AIFM2: variants seen among roughly 807,000 people sequenced by gnomAD.
The protein encoded by AIFM2 is AIF family member 2, ferroptosis suppressor.
In AIFM2, 38 loss-of-function variants were observed where a neutral mutation model predicts 35.7. The ratio of observed to expected loss-of-function variants is 1.06; its 90% CI spans 0.82 to 1.39. The LOEUF (loss-of-function observed/expected upper bound fraction) is 1.39, where lower values mean the gene tolerates loss of function less well. AIFM2 is among the 40% of genes most tolerant of loss of function. AIFM2 has a pLI of 0.00. For synonymous variants in AIFM2, 185 were observed against 203.5 expected (o/e 0.91, Z 0.77); for missense variants, 476 against 491.2 (o/e 0.97, Z 0.29).
intron 1 of AIFM2, among the ~76,000 whole-genome samples, chr10:70,124,365 A>T (rs78884399): frequency 0.029 from 4,353 of 152,338 alleles, 98 homozygotes; most frequent in East Asian, 0.14. Flanking sequence ...TTCCAGAGAT[A>T]GTTTATGCAA....
intron 3 of AIFM2, among the ~76,000 whole-genome samples, chr10:70,122,782 A>AG (rs1271960634): frequency 6.6e-6 from 1 of 152,200 alleles, no homozygotes; most frequent in Non-Finnish European, 1.5e-5. Context: ...TGGGATCTTA[A>AG]GCAAGCCATT....
intron 1 of AIFM2, among the ~76,000 whole-genome samples, chr10:70,127,772 G>A (rs1314466658): frequency 1.3e-5 from 2 of 152,196 alleles, no homozygotes; most frequent in African/African-American, 4.8e-5. Flanking sequence ...TTGCTTATCT[G>A]GGGTTCCCTG....
In AIFM2 at chr10:70,120,613, C is replaced by A; in HGVS notation, c.415-14G>T. The A allele has an allele frequency of 6.2e-7, 1 of 1,613,810 alleles. No homozygotes were observed. The highest frequency in any genetic ancestry group is 8.5e-7 in the Non-Finnish European group (1 of 1,179,862). On this transcript the variant is annotated splice_polypyrimidine_tract_variant and intron_variant, in intron 4 of 8. Transcript: ENST00000307864. ...TGAGCGCTGGACCTGGAGAAGAGGA[C>A]ATGTGAAACAGGGACATATGAAACA...
At position 70,131,852 on chromosome 10, in the gene AIFM2, G is replaced by A. The variant is rs930376661; in HGVS notation, c.-14+882C>T. ...GGGCAGGTGTGATCTGAGATCCCGG[G>A]GCTCTCTGGCAGGTGCATGCACGCA... On this transcript the variant is annotated intron_variant, in intron 1 of 8. Coordinates refer to ENST00000307864, the MANE Select transcript of AIFM2 (RefSeq NM_032797.6). This position sits in a 1 kb window ranked among gnomAD's most constrained non-coding sequence, Gnocchi z 4.1. 6.6e-6 allele frequency among the ~76,000 whole-genome samples: 1 copy of A among 152,164 alleles called. No homozygotes were observed. The highest frequency in any genetic ancestry group is 1.5e-5 in the Non-Finnish European group (1 of 68,036).
intron 1 of AIFM2, among the ~76,000 whole-genome samples, chr10:70,132,372 G>C (rs951074971): frequency 6.6e-6 from 1 of 152,204 alleles, no homozygotes; most frequent in Non-Finnish European, 1.5e-5. Context: ...ACCCTCGGAC[G>C]GTCCTCGCAA....
At chr10:70,122,298 G>C (rs2072518459) in intron 3 of AIFM2, among the ~76,000 whole-genome samples, 1 of 152,164 alleles carries the variant, frequency 6.6e-6, no homozygotes, top group South Asian at 2.1e-4. Context: ...TGAAACGCAT[G>C]GCTGGAGACT....
rs2072401812 is a variant in AIFM2, at chr10:70,113,678, G to A, written c.*500C>T. 1 of 153,134 alleles carries A rather than the reference G, an allele frequency of 6.5e-6. No individual in the cohort carries two copies. The highest frequency in any genetic ancestry group is 2.1e-4 in the South Asian group (1 of 4,864). 9.5% of individuals were successfully genotyped at this position (153,134 alleles called of 1,614,324 possible). On this transcript the variant is annotated 3_prime_UTR_variant, in exon 9 of 9. Coordinates refer to ENST00000307864, the MANE Select transcript of AIFM2 (RefSeq NM_032797.6). ...GAATGTATGGGCTCCCCGACCGTGT[G>A]ATGGCAGAGATTTGGGGTGCTGGGC...
chr10:70,114,306 T>A lies in AIFM2; in HGVS notation c.994A>T (p.Met332Leu), dbSNP rs766381889. 6.2e-7 allele frequency: 1 copy of A among 1,613,848 alleles called. No individual in the cohort carries two copies. Among genetic ancestry groups the A allele is most frequent in the Non-Finnish European group, 8.5e-7 (1 of 1,179,964 alleles). ...KPGALTFLLS[M>L]GRNDGVGQIS... ...TGGCCCACACCGTCATTTCTCCCCA[T>A]GGACAGGAGGAACGTCAGTGCACCT... Residue 332 changes from methionine to leucine, a missense_variant, in exon 9 of 9, where the codon ATG becomes TTG. Physicochemically the swap from Met to Leu is conservative, Grantham distance 15 (BLOSUM62 2). Transcript: ENST00000307864.
At chr10:70,129,021 A>G (rs796512079) in intron 1 of AIFM2, among the ~76,000 whole-genome samples, 4 of 152,224 alleles carry the variant, frequency 2.6e-5, no homozygotes, top group African/African-American at 9.6e-5. Context: ...TTATTTATTT[A>G]CTTATTTTTA....
In AIFM2 at chr10:70,120,527, T is replaced by C; in HGVS notation, c.487A>G (p.Thr163Ala). 1 of 1,614,130 alleles carries C rather than the reference T, an allele frequency of 6.2e-7. No individual in the cohort carries two copies. The highest frequency in any genetic ancestry group is 2.2e-5 in the East Asian group (1 of 44,890). ...CTCACCTCTTTCTCAGGATATTCTG[T>C]TTTAATCTCTGCTGCCATCTCCACT... ...AGVEMAAEIK[T>A]EYPEKEVTLI... The change falls in exon 5 of 9, where the codon ACA (threonine) becomes GCA (alanine). Residue 163 changes from threonine to alanine, a missense_variant. Coordinates refer to ENST00000307864, the MANE Select transcript of AIFM2 (RefSeq NM_032797.6).
intron 3 of AIFM2, among the ~76,000 whole-genome samples, chr10:70,123,072 C>T (rs2072526556): frequency 6.6e-6 from 1 of 152,286 alleles, no homozygotes; most frequent in African/African-American, 2.4e-5. Context: ...GTCACCCAGA[C>T]TGGAGTGCAG....
chr10:70,115,540 C>T (rs1416584076), intron 7 of AIFM2, among the ~76,000 whole-genome samples: 1 of 152,196 alleles, frequency 6.6e-6, no homozygotes, highest in Non-Finnish European at 1.5e-5. Context: ...GCCGAGGCGG[C>T]CAGATCACTT....
chr10:70,118,711 T>C (rs572624760), intron 5 of AIFM2, among the ~76,000 whole-genome samples: 1 of 152,248 alleles, frequency 6.6e-6, no homozygotes, highest in African/African-American at 2.4e-5. Context: ...CAGTTCCTGA[T>C]GCAGAGCTCT....
At chr10:70,132,570 G>A (rs1377157064) in intron 1 of AIFM2, among the ~76,000 whole-genome samples, 164 bp downstream of exon 1, 1 of 152,176 alleles carries the variant, frequency 6.6e-6, no homozygotes, top group Admixed American at 6.5e-5. Context: ...GGGCGGGCCT[G>A]AGTCGAGTAT....
chr10:70,132,461 C>T (rs1049910909), intron 1 of AIFM2, among the ~76,000 whole-genome samples: 1 of 152,364 alleles, frequency 6.6e-6, no homozygotes, highest in Non-Finnish European at 1.5e-5. Flanking sequence ...CTTAGGAAAA[C>T]TTAGCAGGGA....
intron 5 of AIFM2, among the ~76,000 whole-genome samples, chr10:70,119,239 C>T (rs1348654742): frequency 6.6e-6 from 1 of 152,316 alleles, no homozygotes; most frequent in East Asian, 1.9e-4. Context: ...CATAAATCAG[C>T]AACAGCAAGT....
At chr10:70,127,014 A>G (rs2072574145) in intron 1 of AIFM2, among the ~76,000 whole-genome samples, 1 of 152,182 alleles carries the variant, frequency 6.6e-6, no homozygotes, top group South Asian at 2.1e-4. Flanking sequence ...TGAATCTGCC[A>G]ACTGGGCCAG....
At chr10:70,118,813 G>C (rs1165877702) in intron 5 of AIFM2, among the ~76,000 whole-genome samples, 1 of 152,114 alleles carries the variant, frequency 6.6e-6, no homozygotes, top group Middle Eastern at 3.2e-3. Context: ...TGAGATCTTT[G>C]TAATGTCCTG....
chr10:70,120,425 C>T, intron 5 of AIFM2, 82 bp downstream of exon 5: 7 of 1,416,046 alleles, frequency 4.9e-6, no homozygotes, highest in Non-Finnish European at 7.0e-6. Context: ...CTTCTCTGCC[C>T]TGAGCAAATT....
Sources: allele counts gnomAD v4.1 joint callset (sites outside exome capture counted in the v4.1 genomes callset), GRCh38; gene constraint gnomAD v4.1.1; non-coding constraint Gnocchi (gnomAD v3.1); transcripts MANE v1.5; gene names NCBI Gene and HGNC (gene_info 2026-07-23, HGNC 2026-07-21).